KCNT2: variants seen among roughly 807,000 people sequenced by gnomAD.
KCNT2 encodes potassium channel subfamily T member 2.
KCNT2 carries 67 observed loss-of-function variants against 153.8 expected under a neutral mutation model. That is an observed-to-expected ratio of 0.44 (90% CI 0.36 to 0.53). KCNT2 has a LOEUF of 0.53. KCNT2 is among the 20% of genes least tolerant of loss of function. The pLI is 0.00. For missense variants in KCNT2, 975 were observed against 1,354.8 expected (o/e 0.72, Z 4.40); for synonymous variants, 500 against 458.8 (o/e 1.09, Z -1.15).
intron 26 of KCNT2, among the ~76,000 whole-genome samples, chr1:196,239,880 C>A (rs1221345006): frequency 6.6e-6 from 1 of 151,814 alleles, no homozygotes; most frequent in African/African-American, 2.4e-5. Flanking sequence ...GGACTGGTGT[C>A]CACATTAGAA....
intron 1 of KCNT2, among the ~76,000 whole-genome samples, chr1:196,502,715 C>G (rs2148769470): frequency 6.6e-6 from 1 of 152,168 alleles, no homozygotes. Flanking sequence ...TATTAAAGTA[C>G]TCTTTAACGC....
intron 12 of KCNT2, among the ~76,000 whole-genome samples, chr1:196,407,317 C>T (rs546267074): frequency 8.6e-5 from 13 of 151,438 alleles, no homozygotes; most frequent in Middle Eastern, 3.4e-3. Context: ...ATCTTGACGG[C>T]GTGTAACTGA....
intron 27 of KCNT2, 92 bp downstream of exon 27, chr1:196,235,894 A>G (rs951786417): frequency 6.8e-6 from 5 of 730,560 alleles, no homozygotes; most frequent in Non-Finnish European, 1.2e-5. Context: ...TATAAGAAAA[A>G]TAAGAGGCTA....
At chr1:196,387,078 T>A (rs889313796) in intron 13 of KCNT2, among the ~76,000 whole-genome samples, 2 of 152,038 alleles carry the variant, frequency 1.3e-5, no homozygotes, top group African/African-American at 4.8e-5. Flanking sequence ...GTATTAATTA[T>A]GCTTGATTAT....
chr1:196,248,486 A>G (rs1215804911), intron 26 of KCNT2, among the ~76,000 whole-genome samples: 2 of 152,170 alleles, frequency 1.3e-5, no homozygotes, highest in Non-Finnish European at 2.9e-5. Flanking sequence ...GCAGAAATAC[A>G]AAGGATCTTT....
chr1:196,540,939 G>A (rs10801546), intron 1 of KCNT2, among the ~76,000 whole-genome samples: 1 of 151,572 alleles, frequency 6.6e-6, no homozygotes, highest in African/African-American at 2.4e-5. Flanking sequence ...GGTGGCGGGC[G>A]CCTGTAGTCC....
intron 27 of KCNT2, among the ~76,000 whole-genome samples, chr1:196,234,541 T>C (rs1307703339): frequency 3.3e-5 from 5 of 151,250 alleles, no homozygotes; most frequent in Non-Finnish European, 7.4e-5. Flanking sequence ...TTAACTGTTT[T>C]CCCTACGTTC....
At chr1:196,474,792 T>C (rs1395705829) in intron 5 of KCNT2, among the ~76,000 whole-genome samples, 3 of 152,178 alleles carry the variant, frequency 2.0e-5, no homozygotes, top group South Asian at 4.1e-4. Context: ...ATAAGAACTT[T>C]AGTGTTGGGT....
chr1:196,362,401 C>T (rs751575134), intron 14 of KCNT2, among the ~76,000 whole-genome samples: 29 of 152,132 alleles, frequency 1.9e-4, no homozygotes, highest in Non-Finnish European at 3.4e-4. Context: ...ATTCTGGATG[C>T]CGGAGCATGA....
chr1:196,357,751 T>G (rs1667290021), intron 14 of KCNT2, among the ~76,000 whole-genome samples: 1 of 151,876 alleles, frequency 6.6e-6, no homozygotes, highest in African/African-American at 2.4e-5. Flanking sequence ...TTGCTTGGTG[T>G]GGTAGTGGGA....
chr1:196,239,766 C>A (rs1654780381), intron 26 of KCNT2, among the ~76,000 whole-genome samples: 1 of 151,842 alleles, frequency 6.6e-6, no homozygotes, highest in South Asian at 2.1e-4. Context: ...CCCACAAATT[C>A]CAATGTTGAA....
At chr1:196,364,772 A>C (rs1204161549) in intron 14 of KCNT2, among the ~76,000 whole-genome samples, 1 of 152,148 alleles carries the variant, frequency 6.6e-6, no homozygotes, top group Non-Finnish European at 1.5e-5. Flanking sequence ...TAATGTTTAT[A>C]AGAATTTTCA....
intron 1 of KCNT2, among the ~76,000 whole-genome samples, chr1:196,499,319 A>T (rs1019635558): frequency 1.3e-5 from 2 of 152,202 alleles, no homozygotes; most frequent in Non-Finnish European, 2.9e-5. Context: ...TCCTAAATAC[A>T]GTCTTTTTCT....
intron 1 of KCNT2, among the ~76,000 whole-genome samples, chr1:196,580,200 T>C (rs1661863187): frequency 1.3e-5 from 2 of 152,146 alleles, no homozygotes; most frequent in African/African-American, 4.8e-5. Context: ...GGATTTATTA[T>C]GAATGGAAGT....
chr1:196,553,388 T>C (rs1237018011), intron 1 of KCNT2, among the ~76,000 whole-genome samples: 1 of 151,078 alleles, frequency 6.6e-6, no homozygotes, highest in African/African-American at 2.4e-5. Context: ...CCCCGATATG[T>C]AAGGCAAAAT....
Position 196,544,378 on chromosome 1 carries a change from C to A in KCNT2, c.96-52037G>T, listed in dbSNP as rs906716335. Among the ~76,000 whole-genome samples the A allele has an allele frequency of 2.6e-5, 4 of 151,972 alleles. No homozygotes were observed. In the East Asian group the frequency reaches 5.8e-4, roughly 22 times the overall value. ...AAGAAAACCCACCTAAATTGATGGT[C>A]TTTAGAAATGTAAACTGGAAGAAGC... On this transcript the variant is annotated intron_variant, in intron 1 of 27. Coordinates refer to ENST00000294725, the MANE Select transcript of KCNT2 (RefSeq NM_198503.5).
chr1:196,425,315 C>G (rs1382525916), intron 11 of KCNT2, among the ~76,000 whole-genome samples: 1 of 151,904 alleles, frequency 6.6e-6, no homozygotes, highest in Non-Finnish European at 1.5e-5. Flanking sequence ...CTGAGGGTAG[C>G]TAAGTAAGTC....
At chr1:196,414,710 T>C (rs946504911) in intron 12 of KCNT2, among the ~76,000 whole-genome samples, 1 of 151,970 alleles carries the variant, frequency 6.6e-6, no homozygotes, top group Non-Finnish European at 1.5e-5. Context: ...CTTTGATTGT[T>C]ATACCTTGTA....
At chr1:196,294,481 G>A (rs941427805) in intron 22 of KCNT2, among the ~76,000 whole-genome samples, 1 of 151,886 alleles carries the variant, frequency 6.6e-6, no homozygotes, top group African/African-American at 2.4e-5. Context: ...TCACCATGTT[G>A]GCCAGGATGA....
Sources: gnomAD v4.1 joint callset for allele counts (sites outside exome capture counted in the v4.1 genomes callset) on GRCh38, gnomAD v4.1.1 for gene constraint, MANE v1.5 for transcripts, NCBI Gene and HGNC (gene_info 2026-07-23, HGNC 2026-07-21) for gene names.